Variants in NPAS3 observed in about 807,000 individuals in gnomAD.
NPAS3 encodes neuronal PAS domain protein 3, also known as neuronal PAS domain-containing protein 3.
NPAS3 carries 14 observed loss-of-function variants against 73.1 expected under a neutral mutation model. The observed-to-expected ratio is 0.19, with a 90% CI of 0.13 to 0.30. The LOEUF (loss-of-function observed/expected upper bound fraction) is 0.30, where lower values mean the gene tolerates loss of function less well. Ranked by LOEUF, NPAS3 falls within the 10% of genes least tolerant of loss-of-function variation. NPAS3 has a pLI of 1.00. For synonymous variants in NPAS3, 620 were observed against 541.5 expected, an observed-to-expected ratio of 1.14 and a Z score of -2.01; for missense variants, 1,096 against 1,250.0, an observed-to-expected ratio of 0.88 and a Z score of 1.86.
intron 3 of NPAS3, among the ~76,000 whole-genome samples, chr14:33,310,558 T>A (rs1389663287): frequency 1.3e-5 from 2 of 152,158 alleles, no homozygotes; most frequent in Non-Finnish European, 2.9e-5. Flanking sequence ...AGATGGCATA[T>A]TTCACCCTGT....
At chr14:33,405,009 A>G (rs75526656) in intron 4 of NPAS3, among the ~76,000 whole-genome samples, 1,614 of 152,210 alleles carry the variant, frequency 0.011, 8 homozygotes, top group Middle Eastern at 0.024. Context: ...TACTAAGCTT[A>G]GAGAATTGTT....
At chr14:33,357,508 A>G (rs1386208821) in intron 3 of NPAS3, among the ~76,000 whole-genome samples, 1 of 152,220 alleles carries the variant, frequency 6.6e-6, no homozygotes. Context: ...TACAGGGGAA[A>G]AAATTCCTAA....
At chr14:33,148,248 C>G (rs556574148) in intron 2 of NPAS3, among the ~76,000 whole-genome samples, 55 of 152,160 alleles carry the variant, frequency 3.6e-4, no homozygotes, top group African/African-American at 1.2e-3. Flanking sequence ...TTGGGAGATT[C>G]ATCTATTATC....
intron 6 of NPAS3, among the ~76,000 whole-genome samples, chr14:33,733,778 A>G (rs1198317238): frequency 2.0e-5 from 3 of 152,186 alleles, no homozygotes; most frequent in Non-Finnish European, 4.4e-5. Context: ...TAAAACAAAA[A>G]AAAAGAGGAA....
intron 5 of NPAS3, among the ~76,000 whole-genome samples, chr14:33,665,616 C>T (rs775625396): frequency 6.6e-6 from 1 of 152,130 alleles, no homozygotes; most frequent in Non-Finnish European, 1.5e-5. Flanking sequence ...CAAAACATCT[C>T]ATGTACCCCA....
intron 7 of NPAS3, among the ~76,000 whole-genome samples, chr14:33,736,844 C>G (rs2061536062): frequency 6.6e-6 from 1 of 151,984 alleles, no homozygotes; most frequent in Non-Finnish European, 1.5e-5. Flanking sequence ...AAGTATAATT[C>G]AATATTATTT....
chr14:33,606,706 G>A (rs898029525), intron 5 of NPAS3, among the ~76,000 whole-genome samples: 2 of 151,972 alleles, frequency 1.3e-5, no homozygotes, highest in Non-Finnish European at 2.9e-5. Flanking sequence ...TAATTATGAC[G>A]CTAAAAGCAT....
chr14:33,269,046 C>T (rs1184745300), intron 3 of NPAS3, among the ~76,000 whole-genome samples: 4 of 152,088 alleles, frequency 2.6e-5, no homozygotes, highest in Non-Finnish European at 4.4e-5. Flanking sequence ...CCATTTGTTT[C>T]CCCGATTTCC....
At chr14:33,506,627 G>A (rs573277018) in intron 4 of NPAS3, among the ~76,000 whole-genome samples, 174 of 152,100 alleles carry the variant, frequency 1.1e-3, no homozygotes, top group Middle Eastern at 3.4e-3. Flanking sequence ...ATGATTATAA[G>A]AGATCTTTGT....
intron 5 of NPAS3, among the ~76,000 whole-genome samples, chr14:33,645,530 A>T: frequency 6.6e-6 from 1 of 152,230 alleles, no homozygotes; most frequent in Non-Finnish European, 1.5e-5. Context: ...ATTATCTCTA[A>T]ATAGACAGAT....
intron 4 of NPAS3, among the ~76,000 whole-genome samples, chr14:33,446,024 TTATC>T (rs2049473815): frequency 6.6e-6 from 1 of 152,048 alleles, no homozygotes; most frequent in Non-Finnish European, 1.5e-5. Flanking sequence ...TAGTTTTCTC[TTATC>T]TTTTTCCTCA....
intron 5 of NPAS3, among the ~76,000 whole-genome samples, chr14:33,575,005 C>T (rs2056377427): frequency 1.3e-5 from 2 of 152,122 alleles, no homozygotes; most frequent in South Asian, 2.1e-4. Context: ...ATCAGTAATG[C>T]CAGGCAGGAG....
At chr14:33,681,579 G>A (rs2059939130) in intron 6 of NPAS3, among the ~76,000 whole-genome samples, 1 of 152,176 alleles carries the variant, frequency 6.6e-6, no homozygotes, top group Non-Finnish European at 1.5e-5. Flanking sequence ...CTGGGGAAAG[G>A]CATACAGTGA....
chr14:33,427,017 T>C (rs992901049), intron 4 of NPAS3, among the ~76,000 whole-genome samples: 1 of 152,084 alleles, frequency 6.6e-6, no homozygotes, highest in Non-Finnish European at 1.5e-5. Context: ...CAGGCATGAT[T>C]TTGTAGGCCG....
intron 4 of NPAS3, among the ~76,000 whole-genome samples, chr14:33,370,678 G>A (rs1185847616): frequency 6.6e-6 from 1 of 152,140 alleles, no homozygotes; most frequent in Non-Finnish European, 1.5e-5. Context: ...TTAGGAAATT[G>A]TTACCAGAGT....
chr14:33,164,267 T>G (rs1241738177), intron 2 of NPAS3, among the ~76,000 whole-genome samples: 2 of 152,184 alleles, frequency 1.3e-5, no homozygotes, highest in East Asian at 3.8e-4. Context: ...TTAAACTACA[T>G]TATTTTATAT....
intron 2 of NPAS3, among the ~76,000 whole-genome samples, chr14:33,090,909 C>T (rs1263354571): frequency 2.6e-5 from 4 of 152,094 alleles, no homozygotes; most frequent in African/African-American, 4.8e-5. Context: ...GGGTACATAA[C>T]GAAATGAAGG....
At chr14:33,532,684 C>T (rs1322577185) in intron 4 of NPAS3, among the ~76,000 whole-genome samples, 2 of 152,078 alleles carry the variant, frequency 1.3e-5, no homozygotes, top group East Asian at 1.9e-4. Context: ...CTGTAAGTCG[C>T]TATTATCCAC....
chr14:33,017,332 T>A (rs528996980), intron 1 of NPAS3, among the ~76,000 whole-genome samples: 1 of 152,240 alleles, frequency 6.6e-6, no homozygotes, highest in East Asian at 1.9e-4. Context: ...TTAAAAAAAA[T>A]GATTACTGAA....
Sources: allele counts gnomAD v4.1 joint callset (sites outside exome capture counted in the v4.1 genomes callset), GRCh38; gene constraint gnomAD v4.1.1; transcripts MANE v1.5; gene names NCBI Gene and HGNC (gene_info 2026-07-23, HGNC 2026-07-21).